Variants in CELF2 observed in about 807,000 individuals in gnomAD.
CELF2 encodes CUGBP Elav-like family member 2.
CELF2 carries 8 observed loss-of-function variants against 62.6 expected under a neutral mutation model. The observed-to-expected ratio is 0.13, with a 90% CI of 0.07 to 0.23. CELF2 has a LOEUF of 0.23. Among genes scored for constraint, CELF2 ranks in the 10% least tolerant of loss-of-function variants. The pLI is 1.00. For missense variants in CELF2, 333 were observed against 671.0 expected (o/e 0.50, Z 5.56); for synonymous variants, 258 against 250.0 (o/e 1.03, Z -0.30).
chr10:10,858,738 C>A (rs2059893653), intron 1 of CELF2, among the ~76,000 whole-genome samples: 1 of 151,666 alleles, frequency 6.6e-6, no homozygotes, highest in Non-Finnish European at 1.5e-5. Context: ...ATGAAAGTAT[C>A]CAGGAATAGA....
At chr10:10,527,996 T>G in the CELF2 span, among the ~76,000 whole-genome samples, 11 of 152,338 alleles carry the variant, frequency 7.2e-5, no homozygotes, top group African/African-American at 2.6e-4. Context: ...AGCGTTTAAA[T>G]GACCTACCCA....
intron 1 of CELF2, among the ~76,000 whole-genome samples, chr10:11,113,411 T>C (rs182904875): frequency 3.7e-4 from 56 of 152,308 alleles, no homozygotes; most frequent in Non-Finnish European, 6.6e-4. Flanking sequence ...GGCGTTCTCC[T>C]CTATGCTATC....
At chr10:10,963,004 G>C (rs2049704416) in intron 2 of CELF2, among the ~76,000 whole-genome samples, 1 of 84,726 alleles carries the variant, frequency 1.2e-5, no homozygotes, top group Non-Finnish European at 2.3e-5. Context: ...ATTCTGTTTT[G>C]TTTTGTTTTG....
At chr10:10,606,898 T>C in the CELF2 span, among the ~76,000 whole-genome samples, 3 of 152,294 alleles carry the variant, frequency 2.0e-5, no homozygotes, top group Admixed American at 6.5e-5. Flanking sequence ...AGACTAGATA[T>C]GTTAAGAACT....
chr10:10,637,557 G>A, the CELF2 span, among the ~76,000 whole-genome samples: 2 of 152,128 alleles, frequency 1.3e-5, no homozygotes, highest in Non-Finnish European at 2.9e-5. Context: ...AAAAATTAGA[G>A]AATACAATGC....
rs2094203483 is a variant in CELF2, at chr10:11,306,289, T to C, written c.977-7850T>C. Among the ~76,000 whole-genome samples, 1 of 152,074 alleles carries C rather than the reference T, an allele frequency of 6.6e-6. No homozygotes were observed. The highest frequency in any genetic ancestry group is 1.5e-5 in the Non-Finnish European group (1 of 68,012). On this transcript the variant is annotated intron_variant, in intron 9 of 12. Transcript: ENST00000633077. This position sits in a 1 kb window ranked among gnomAD's most constrained non-coding sequence, Gnocchi z 4.4. ...CTCCTGAGATGCTCCTTTGGCATTT[T>C]GTAAAACTTTTAAGTGAGAAAGCGT...
chr10:11,101,487 G>C (rs564691002), intron 1 of CELF2, among the ~76,000 whole-genome samples: 1 of 152,310 alleles, frequency 6.6e-6, no homozygotes, highest in South Asian at 2.1e-4. Flanking sequence ...AGAGCACCAG[G>C]AGAGTGTTAA....
rs975669604 is a variant in CELF2 at position 11,315,107 on chromosome 10, T to C, written c.1096+849T>C. On this transcript the variant is annotated intron_variant, in intron 10 of 12. Coordinates refer to ENST00000633077, the MANE Select transcript of CELF2 (RefSeq NM_001326342.2). The surrounding 1 kb of genome is among the most constrained non-coding windows in gnomAD (Gnocchi z 5.8). ...TGTGCCGGCCAGAGGATAAGTCGTG[T>C]TTTAGATTCATGCTCGGTGTGGGTT... 1.1e-4 allele frequency among the ~76,000 whole-genome samples: 17 copies of C among 152,074 alleles called. No homozygotes were observed. Among genetic ancestry groups the C allele is most frequent in the Non-Finnish European group, 2.4e-4 (16 of 68,000 alleles).
chr10:10,802,615 T>C (rs561759281), intron 1 of CELF2, among the ~76,000 whole-genome samples: 7 of 152,190 alleles, frequency 4.6e-5, no homozygotes, highest in African/African-American at 1.7e-4. Flanking sequence ...TGGTGTCTCC[T>C]TTACCCATGC....
In CELF2 at chr10:11,269,841, C is replaced by G. The variant is rs377065625; in HGVS notation, c.619-825C>G. On this transcript the variant is annotated intron_variant, in intron 6 of 12. Coordinates refer to ENST00000633077, the MANE Select transcript of CELF2 (RefSeq NM_001326342.2). The surrounding 1 kb of genome is among the most constrained non-coding windows in gnomAD (Gnocchi z 4.4). ...AGCCATTTCTTTCTCACTACCCCTA[C>G]TCCTTGCCTTTTAAAGGAAATTAAA... 1.3e-5 allele frequency among the ~76,000 whole-genome samples: 2 copies of G among 152,330 alleles called. No individual in the cohort carries two copies. The highest frequency in any genetic ancestry group is 3.9e-4 in the East Asian group (2 of 5,190).
intron 1 of CELF2, among the ~76,000 whole-genome samples, chr10:10,842,658 A>G (rs1249418013): frequency 2.6e-5 from 4 of 152,016 alleles, no homozygotes; most frequent in Non-Finnish European, 5.9e-5. Flanking sequence ...GTCATAGTGT[A>G]TAATTTTTTT....
chr10:11,100,480 CAT>C (rs1348987612), intron 1 of CELF2, among the ~76,000 whole-genome samples: 2 of 151,840 alleles, frequency 1.3e-5, no homozygotes, highest in Non-Finnish European at 2.9e-5. Context: ...TTCAGGACCA[CAT>C]GTGAGTTCCT....
the CELF2 span, among the ~76,000 whole-genome samples, chr10:10,691,334 A>G: frequency 7.3e-3 from 1,094 of 150,082 alleles, 3 homozygotes; most frequent in African/African-American, 9.5e-3. Flanking sequence ...AAGGACATGA[A>G]CTCATCATTT....
At chr10:10,852,889 A>T (rs1217880844) in intron 1 of CELF2, among the ~76,000 whole-genome samples, 2 of 152,158 alleles carry the variant, frequency 1.3e-5, no homozygotes, top group Non-Finnish European at 2.9e-5. Context: ...ATCAAAATTT[A>T]TTTTTGTGTG....
chr10:11,304,848 G>T (rs769750865), intron 9 of CELF2, among the ~76,000 whole-genome samples: 2 of 152,134 alleles, frequency 1.3e-5, no homozygotes, highest in Non-Finnish European at 2.9e-5. Flanking sequence ...ATATTTACAG[G>T]TTCCAGGACT....
intron 1 of CELF2, among the ~76,000 whole-genome samples, chr10:10,882,348 G>C (rs1304924925): frequency 6.6e-6 from 1 of 152,230 alleles, no homozygotes; most frequent in African/African-American, 2.4e-5. Flanking sequence ...TGCCATCCAA[G>C]AGCAGAACTG....
the CELF2 span, among the ~76,000 whole-genome samples, chr10:10,557,447 A>T: frequency 0.2 from 25,338 of 124,288 alleles, 3,197 homozygotes; most frequent in African/African-American, 0.39. Context: ...CCTTGCAGTA[A>T]AGTTTGAAGT....
the CELF2 span, among the ~76,000 whole-genome samples, chr10:10,660,675 C>G: frequency 6.6e-6 from 1 of 152,148 alleles, no homozygotes; most frequent in Non-Finnish European, 1.5e-5. Context: ...AATTCAGTAC[C>G]TGCAATGCCA....
At chr10:10,632,960 A>G in the CELF2 span, among the ~76,000 whole-genome samples, 27 of 152,330 alleles carry the variant, frequency 1.8e-4, 1 homozygote, top group South Asian at 2.7e-3. Context: ...AGCTCACTTC[A>G]TATCAGTAAA....
Sources: gnomAD v4.1 joint callset for allele counts (sites outside exome capture counted in the v4.1 genomes callset) on GRCh38, gnomAD v4.1.1 for gene constraint, Gnocchi (gnomAD v3.1) non-coding constraint, MANE v1.5 for transcripts, NCBI Gene and HGNC (gene_info 2026-07-23, HGNC 2026-07-21) for gene names.